The following NRXN1 variants were observed in gnomAD, a reference collection of about 807,000 sequenced individuals.
The protein encoded by NRXN1 is neurexin-1.
NRXN1 carries 39 observed loss-of-function variants against 150.9 expected under a neutral mutation model. That is an observed-to-expected ratio of 0.26 (90% CI 0.20 to 0.34). The LOEUF (loss-of-function observed/expected upper bound fraction) is 0.34. Among genes scored for constraint, NRXN1 ranks in the 10% least tolerant of loss-of-function variants. The probability of loss-of-function intolerance (pLI) is 1.00; values close to 1 mark genes in which losing one functional copy is unlikely to be tolerated. For synonymous variants in NRXN1, 924 were observed against 757.0 expected (o/e 1.22, Z -3.62); for missense variants, 1,815 against 1,949.9 (o/e 0.93, Z 1.30).
chr2:50,877,188 C>T (rs969073483), intron 5 of NRXN1, among the ~76,000 whole-genome samples: 2 of 151,810 alleles, frequency 1.3e-5, no homozygotes, highest in African/African-American at 2.4e-5. Flanking sequence ...CACATAGACA[C>T]ACACATATAC....
At chr2:50,375,965 A>C (rs950159557) in intron 17 of NRXN1, among the ~76,000 whole-genome samples, 1 of 151,950 alleles carries the variant, frequency 6.6e-6, no homozygotes, top group African/African-American at 2.4e-5. Context: ...AGAACGATAT[A>C]GTCTTAGCTC....
At chr2:50,649,941 T>C (rs1232112851) in intron 5 of NRXN1, among the ~76,000 whole-genome samples, 1 of 152,002 alleles carries the variant, frequency 6.6e-6, no homozygotes, top group African/African-American at 2.4e-5. Flanking sequence ...CACTGTCTAA[T>C]AGCCACAAGT....
chr2:50,582,684 C>T (rs1262230227), intron 8 of NRXN1, among the ~76,000 whole-genome samples: 3 of 149,332 alleles, frequency 2.0e-5, no homozygotes, highest in Non-Finnish European at 4.4e-5. Flanking sequence ...AAAAAAAAAT[C>T]AAAGTACCTT....
At chr2:50,019,947 CAAAAAA>C (rs1161865745) in intron 21 of NRXN1, among the ~76,000 whole-genome samples, 1 of 43,358 alleles carries the variant, frequency 2.3e-5, no homozygotes, top group Non-Finnish European at 4.9e-5. Context: ...GACTCCGTCT[CAAAAAA>C]AAAAAAAAAA....
chr2:50,914,907 T>C (rs1384220507), intron 5 of NRXN1, among the ~76,000 whole-genome samples: 1 of 151,598 alleles, frequency 6.6e-6, no homozygotes, highest in East Asian at 1.9e-4. Flanking sequence ...CTAGGGACCC[T>C]TGAGACACAT....
intron 8 of NRXN1, among the ~76,000 whole-genome samples, chr2:50,579,154 T>C (rs967339003): frequency 3.3e-5 from 5 of 152,200 alleles, no homozygotes; most frequent in Non-Finnish European, 5.9e-5. Flanking sequence ...AAATGAGGCG[T>C]CTTGTTTTGC....
At chr2:50,874,285 T>C (rs1034124636) in intron 5 of NRXN1, among the ~76,000 whole-genome samples, 1 of 151,896 alleles carries the variant, frequency 6.6e-6, no homozygotes, top group African/African-American at 2.4e-5. Context: ...TCTCAGATAG[T>C]GTAAACTGAA....
At chr2:49,954,605 G>A (rs1352303895) in intron 21 of NRXN1, among the ~76,000 whole-genome samples, 3 of 152,170 alleles carry the variant, frequency 2.0e-5, no homozygotes, top group East Asian at 1.9e-4. Flanking sequence ...GAGAAAGACT[G>A]AATCTCTAAG....
At chr2:50,636,984 A>T (rs757182156) in intron 5 of NRXN1, among the ~76,000 whole-genome samples, 9 of 152,212 alleles carry the variant, frequency 5.9e-5, no homozygotes, top group Non-Finnish European at 1.3e-4. Context: ...TAGAAGGATC[A>T]ATCAATACTG....
chr2:50,266,952 C>A (rs773450294), intron 17 of NRXN1, among the ~76,000 whole-genome samples: 2 of 152,172 alleles, frequency 1.3e-5, no homozygotes, highest in Non-Finnish European at 2.9e-5. Flanking sequence ...TCAACTTCAT[C>A]TCTGTGTACA....
Position 50,727,119 on chromosome 2 carries a change from C to A in NRXN1, c.833-103504G>T, listed in dbSNP as rs1267626699. Among the ~76,000 whole-genome samples the A allele has an allele frequency of 2.0e-5, 3 of 151,294 alleles. No homozygotes were observed. In the East Asian group the frequency reaches 5.8e-4, roughly 29 times the overall value. On this transcript the variant is annotated intron_variant, in intron 5 of 22. Coordinates refer to ENST00000401669, the MANE Select transcript of NRXN1 (RefSeq NM_001330078.2). The stretch of plus-strand genomic sequence containing the variant: ...TATAAAAAAAGGTCTTAAAAAAAAT[C>A]TATGAAGCAAGAATTATCAAGTATC...
At chr2:50,127,042 G>A (rs552200159) in intron 18 of NRXN1, among the ~76,000 whole-genome samples, 1 of 152,198 alleles carries the variant, frequency 6.6e-6, no homozygotes, top group South Asian at 2.1e-4. Context: ...CTTTGTGCTT[G>A]CAATTAGGCT....
intron 8 of NRXN1, among the ~76,000 whole-genome samples, chr2:50,572,329 C>T (rs1002896090): frequency 6.6e-6 from 1 of 152,144 alleles, no homozygotes; most frequent in Non-Finnish European, 1.5e-5. Context: ...AAATCCTCTC[C>T]AATGCGCTCT....
At chr2:50,765,524 C>T (rs768528359) in intron 5 of NRXN1, among the ~76,000 whole-genome samples, 15 of 152,010 alleles carry the variant, frequency 9.9e-5, no homozygotes, top group South Asian at 2.1e-4. Flanking sequence ...CTAAACAGTG[C>T]GTTGGTATGA....
At chr2:50,771,048 C>T (rs997736688) in intron 5 of NRXN1, among the ~76,000 whole-genome samples, 1 of 152,036 alleles carries the variant, frequency 6.6e-6, no homozygotes, top group South Asian at 2.1e-4. Context: ...CTGAACTGAA[C>T]CAGGCCATAG....
At chr2:50,729,150 ATTTCT>A (rs1377803407) in intron 5 of NRXN1, among the ~76,000 whole-genome samples, 1 of 152,094 alleles carries the variant, frequency 6.6e-6, no homozygotes, top group East Asian at 1.9e-4. Context: ...CTTATATTCT[ATTTCT>A]TTTAATTTCT....
At chr2:50,574,595 C>G (rs992344317) in intron 8 of NRXN1, among the ~76,000 whole-genome samples, 1 of 152,158 alleles carries the variant, frequency 6.6e-6, no homozygotes, top group Non-Finnish European at 1.5e-5. Flanking sequence ...GGTCTCCTAA[C>G]GTCTACCTAG....
At chr2:50,972,372 C>T (rs780493979) in intron 2 of NRXN1, among the ~76,000 whole-genome samples, 1 of 152,030 alleles carries the variant, frequency 6.6e-6, no homozygotes, top group Admixed American at 6.6e-5. Context: ...AATCTATATG[C>T]CACTTTGTGG....
chr2:50,201,028 C>T (rs1487729538), intron 18 of NRXN1, among the ~76,000 whole-genome samples: 1 of 151,960 alleles, frequency 6.6e-6, no homozygotes, highest in East Asian at 1.9e-4. Flanking sequence ...TTCTGTTGCC[C>T]ACTGTTTAAT....
Sources: allele counts gnomAD v4.1 joint callset (sites outside exome capture counted in the v4.1 genomes callset), GRCh38; gene constraint gnomAD v4.1.1; transcripts MANE v1.5; gene names NCBI Gene and HGNC (gene_info 2026-07-23, HGNC 2026-07-21).